Variants in DMD observed in about 807,000 individuals in gnomAD.
The protein encoded by DMD is mutant dystrophin.
A neutral mutation model predicts 330.1 loss-of-function variants in DMD; 63 were observed. The ratio of observed to expected loss-of-function variants is 0.19; its 90% CI spans 0.16 to 0.24. The LOEUF (loss-of-function observed/expected upper bound fraction) is 0.24. Ranked by LOEUF, DMD falls within the 10% of genes least tolerant of loss-of-function variation. The pLI, the probability that DMD is intolerant of heterozygous loss-of-function variation, is 1.00. For synonymous variants in DMD, 1,223 were observed against 959.8 expected (o/e 1.27, Z -5.07); for missense variants, 3,344 against 2,684.1 (o/e 1.25, Z -5.43).
chrX:31,588,094 A>G (rs1474221309), intron 55 of DMD, among the ~76,000 whole-genome samples: 1 of 111,706 alleles, frequency 9.0e-6, no homozygotes, highest in Admixed American at 9.5e-5. Context: ...CAGTGGAGCT[A>G]AAGTTTGAGA....
chrX:31,951,157 A>ATATATATG (rs1569521298), intron 45 of DMD, among the ~76,000 whole-genome samples: 3 of 72,621 alleles, frequency 4.1e-5, no homozygotes, highest in African/African-American at 2.0e-4. Flanking sequence ...ATATATATAT[A>ATATATATG]TGTATATATA....
chrX:32,528,944 C>T (rs1160413626), intron 17 of DMD, among the ~76,000 whole-genome samples: 2 of 89,295 alleles, frequency 2.2e-5, no homozygotes, highest in East Asian at 3.8e-4. Context: ...TTTTTTCAGA[C>T]GGAGTCTCGC....
chrX:31,966,853 T>C (rs1014401153), intron 45 of DMD, among the ~76,000 whole-genome samples: 8 of 111,001 alleles, frequency 7.2e-5, no homozygotes, highest in African/African-American at 2.6e-4. Flanking sequence ...ATACACTCTA[T>C]TCAAATACTA....
At chrX:32,468,785 T>C in intron 22 of DMD, 75 bp from the exon 23 acceptor site, 1 of 857,087 alleles carries the variant, frequency 1.2e-6, no homozygotes, top group East Asian at 3.4e-5. Context: ...AAATTAACTG[T>C]ACTTGAAATC....
chrX:33,111,593 A>C (rs995950867), intron 1 of DMD, among the ~76,000 whole-genome samples: 4 of 111,463 alleles, frequency 3.6e-5, no homozygotes, highest in African/African-American at 1.3e-4. Context: ...AATTTCTCTT[A>C]ATGTGCGTGT....
chrX:31,971,091 C>T (rs997096340), intron 44 of DMD, among the ~76,000 whole-genome samples: 11 of 111,674 alleles, frequency 9.9e-5, no homozygotes, highest in South Asian at 7.4e-4. Context: ...GCATTAGGTC[C>T]GTGGAGGCAC....
chrX:31,124,578 G>GCAAT (rs778788821), intron 78 of DMD, among the ~76,000 whole-genome samples: 1 of 112,037 alleles, frequency 8.9e-6, no homozygotes, highest in South Asian at 3.7e-4. Context: ...TCAGGCATTT[G>GCAAT]CAATCACCTT....
chrX:31,145,766 G>A (rs1470903006), intron 76 of DMD, among the ~76,000 whole-genome samples: 1 of 108,685 alleles, frequency 9.2e-6, no homozygotes. Flanking sequence ...GGGCTCAAGC[G>A]ATTCTCCTGC....
At chrX:31,429,157 C>T (rs1209841366) in intron 60 of DMD, among the ~76,000 whole-genome samples, 1 of 110,770 alleles carries the variant, frequency 9.0e-6, no homozygotes, top group African/African-American at 3.3e-5. Context: ...CATGTTAATC[C>T]TGCAGAATGA....
intron 44 of DMD, among the ~76,000 whole-genome samples, chrX:32,068,453 G>A (rs1380348449): frequency 9.6e-6 from 1 of 104,237 alleles, no homozygotes; most frequent in African/African-American, 3.5e-5. Context: ...GTCCAGAATG[G>A]TATTTCCCAG....
intron 47 of DMD, among the ~76,000 whole-genome samples, chrX:31,921,392 G>A (rs187011069): frequency 1.8e-5 from 2 of 111,504 alleles, no homozygotes; most frequent in Non-Finnish European, 3.8e-5. Flanking sequence ...GAATAGGAGA[G>A]CAGTGGCTGA....
intron 12 of DMD, among the ~76,000 whole-genome samples, chrX:32,606,281 T>C (rs2056693075): frequency 9.1e-6 from 1 of 110,358 alleles, no homozygotes; most frequent in Admixed American, 9.7e-5. Context: ...ACATAAGAGA[T>C]GTTTGTCTTT....
intron 1 of DMD, among the ~76,000 whole-genome samples, chrX:33,278,696 C>G (rs939967379): frequency 2.7e-5 from 3 of 110,844 alleles, no homozygotes; most frequent in Non-Finnish European, 5.7e-5. Flanking sequence ...GGTATAAACC[C>G]AGTAATGAGA....
chrX:31,284,580 T>TTCTTCTTC (rs2147922004), intron 62 of DMD, among the ~76,000 whole-genome samples: 2 of 95,177 alleles, frequency 2.1e-5, no homozygotes, highest in African/African-American at 8.2e-5. Context: ...TTCTTCTTCT[T>TTCTTCTTC]CTTCTTCTTC....
At chrX:32,837,652 C>T (rs1248979561) in intron 4 of DMD, among the ~76,000 whole-genome samples, 1 of 111,695 alleles carries the variant, frequency 9.0e-6, no homozygotes, top group African/African-American at 3.2e-5. Flanking sequence ...CTGTATGCCA[C>T]GTGTTTAATA....
chrX:32,369,031 G>A (rs1371765034), intron 34 of DMD, among the ~76,000 whole-genome samples: 13 of 111,372 alleles, frequency 1.2e-4, no homozygotes, highest in Non-Finnish European at 2.3e-4. Flanking sequence ...GAAGGTGAAC[G>A]CAAACTATAT....
intron 30 of DMD, among the ~76,000 whole-genome samples, chrX:32,397,259 A>G (rs925817140): frequency 9.9e-5 from 11 of 111,498 alleles, no homozygotes; most frequent in African/African-American, 3.6e-4. Context: ...ATGGATAGTA[A>G]GCATTTGAAG....
chrX:31,483,228 A>G (rs1188268563), intron 57 of DMD, among the ~76,000 whole-genome samples: 2 of 107,701 alleles, frequency 1.9e-5, no homozygotes, highest in Non-Finnish European at 3.8e-5. Context: ...TTGTATTTTT[A>G]GTAGAGACGG....
chrX:31,252,698 C>A (rs1300266768), intron 63 of DMD, among the ~76,000 whole-genome samples: 1 of 111,637 alleles, frequency 9.0e-6, no homozygotes, highest in African/African-American at 3.2e-5. Context: ...AAGTGCTACA[C>A]AAATAAAGTA....
Sources: allele counts gnomAD v4.1 joint callset (sites outside exome capture counted in the v4.1 genomes callset), GRCh38; gene constraint gnomAD v4.1.1; transcripts MANE v1.5; gene names NCBI Gene and HGNC (gene_info 2026-07-23, HGNC 2026-07-21).